The following LSAMP variants were observed in gnomAD, a reference collection of about 807,000 sequenced individuals.
LSAMP encodes the protein limbic system associated membrane protein.
A neutral mutation model predicts 38.6 loss-of-function variants in LSAMP; 7 were observed. The ratio of observed to expected loss-of-function variants is 0.18; its 90% CI spans 0.10 to 0.34. The LOEUF is 0.34. Ranked by LOEUF, LSAMP falls within the 10% of genes least tolerant of loss-of-function variation. LSAMP has a pLI of 1.00. For synonymous variants in LSAMP, 154 were observed against 166.8 expected (o/e 0.92, Z 0.59); for missense variants, 313 against 420.0 (o/e 0.75, Z 2.23).
intron 1 of LSAMP, among the ~76,000 whole-genome samples, chr3:116,428,380 C>A (rs894252813): frequency 1.3e-5 from 2 of 152,078 alleles, no homozygotes; most frequent in African/African-American, 4.8e-5. Context: ...ATTGCTTGAA[C>A]CTGGGAGGGG....
At chr3:116,317,356 CTTTTTTT>C (rs71616348) in intron 1 of LSAMP, among the ~76,000 whole-genome samples, 52 of 140,060 alleles carry the variant, frequency 3.7e-4, no homozygotes, top group Non-Finnish European at 6.3e-5. Context: ...CTCTTTCTTT[CTTTTTTT>C]TTTTTTTTTT....
intron 3 of LSAMP, among the ~76,000 whole-genome samples, chr3:115,900,902 A>G (rs2107481852): frequency 6.6e-6 from 1 of 152,316 alleles, no homozygotes; most frequent in South Asian, 2.1e-4. Flanking sequence ...CTAAAGCAGC[A>G]CAAACAATTT....
rs1307543165 is a variant in LSAMP at position 116,273,707 on chromosome 3, T to TATATATATATATATACAC, written c.155+171169_155+171170insGTGTATATATATATATAT. Among the ~76,000 whole-genome samples, 98 of 102,590 alleles carry TATATATATATATATACAC rather than the reference T, an allele frequency of 9.6e-4. 1 individual carries two copies. The highest frequency in any genetic ancestry group is 4.2e-3 in the African/African-American group (90 of 21,262). 67.3% of individuals were successfully genotyped at this position (102,590 alleles called of 152,430 possible). A position where few individuals can be genotyped will look rare whatever the true frequency, so the allele number is the denominator to read the frequency against. On this transcript the variant is annotated intron_variant, in intron 1 of 6. Transcript: ENST00000490035. ...GCATATATATATATATATATATATA[T>TATATATATATATATACAC]ACACACACACACACACGTATATATG...
rs201230069 is a variant in LSAMP at position 115,982,994 on chromosome 3, A to G, written c.514+36521T>C. Among the ~76,000 whole-genome samples, 139 of 149,104 alleles carry G rather than the reference A, an allele frequency of 9.3e-4. 3 individuals carry two copies. The East Asian group carries it at 0.011, about 12-fold the overall frequency. ...GTATGAATAGCTTGCCAGAGAGGTCAGTTGAGATTCAATTTAAAAGTAATG... is the reference window on the plus strand; with the variant it reads ...GTATGAATAGCTTGCCAGAGAGGTCGGTTGAGATTCAATTTAAAAGTAATG... On this transcript the variant is annotated intron_variant, in intron 3 of 6. Coordinates refer to ENST00000490035, the MANE Select transcript of LSAMP (RefSeq NM_002338.5).
chr3:115,994,282 C>A (rs567625015), intron 3 of LSAMP, among the ~76,000 whole-genome samples: 2 of 152,086 alleles, frequency 1.3e-5, no homozygotes, highest in African/African-American at 4.8e-5. Flanking sequence ...AGTCTACCAC[C>A]TGGGGATTTG....
intron 3 of LSAMP, among the ~76,000 whole-genome samples, chr3:115,905,990 C>G (rs1376884302): frequency 6.6e-6 from 1 of 152,152 alleles, no homozygotes; most frequent in Admixed American, 6.6e-5. Flanking sequence ...AGACTGGAAA[C>G]AGCAAACATG....
rs369537377 is a variant in LSAMP, at chr3:116,071,053, T to TAATAAATA, written c.388+15263_388+15270dup. 6.3e-3 allele frequency among the ~76,000 whole-genome samples: 872 copies of TAATAAATA among 138,848 alleles called. 15 individuals carry two copies. Among genetic ancestry groups the TAATAAATA allele is most frequent in the African/African-American group, 0.021 (758 of 36,304 alleles). 91.1% of individuals were successfully genotyped at this position (138,848 alleles called of 152,430 possible). A position where few individuals can be genotyped will look rare whatever the true frequency, so the allele number is the denominator to read the frequency against. On this transcript the variant is annotated intron_variant, in intron 2 of 6. Transcript: ENST00000490035. ...GAAACTCCATCTCAAAATAAATAAATAATAAATAAATAAATAAATAAATAA... is the reference window on the plus strand; with the variant it reads ...GAAACTCCATCTCAAAATAAATAAATAATAAATAAATAAATAAATAAATAAATAAATAA...
chr3:116,303,703 A>T (rs552789329), intron 1 of LSAMP, among the ~76,000 whole-genome samples: 22 of 152,314 alleles, frequency 1.4e-4, no homozygotes, highest in African/African-American at 4.8e-4. Context: ...TTAATCAAAA[A>T]TGTTACAGTC....
intron 1 of LSAMP, among the ~76,000 whole-genome samples, chr3:116,375,080 A>G (rs1286208539): frequency 2.6e-5 from 4 of 151,974 alleles, no homozygotes; most frequent in African/African-American, 7.2e-5. Context: ...ACGAATCAGA[A>G]AACATATGTG....
intron 3 of LSAMP, among the ~76,000 whole-genome samples, chr3:115,913,851 G>A (rs1937187403): frequency 6.6e-6 from 1 of 151,990 alleles, no homozygotes; most frequent in Non-Finnish European, 1.5e-5. Context: ...ACAGAGTAAG[G>A]GCCGAAATCC....
intron 6 of LSAMP, among the ~76,000 whole-genome samples, chr3:115,819,168 C>T (rs1217328734): frequency 6.7e-6 from 1 of 149,850 alleles, no homozygotes; most frequent in Non-Finnish European, 1.5e-5. Flanking sequence ...AAAAGTGGCC[C>T]GGCTCAGTGG....
chr3:115,812,374 T>G (rs1021995712), intron 6 of LSAMP, among the ~76,000 whole-genome samples: 9 of 152,080 alleles, frequency 5.9e-5, no homozygotes, highest in Admixed American at 2.0e-4. Flanking sequence ...TTCAATGAGA[T>G]TCTGTATCTT....
intron 1 of LSAMP, among the ~76,000 whole-genome samples, chr3:116,355,003 A>G (rs2048202848): frequency 6.6e-6 from 1 of 152,144 alleles, no homozygotes; most frequent in Non-Finnish European, 1.5e-5. Flanking sequence ...TTTATTACAT[A>G]ATAATACATA....
intron 1 of LSAMP, among the ~76,000 whole-genome samples, chr3:116,193,623 C>T (rs532092210): frequency 6.6e-6 from 1 of 152,238 alleles, no homozygotes; most frequent in African/African-American, 2.4e-5. Flanking sequence ...AATGACTGAT[C>T]TCGTTTTGCA....
Position 116,018,238 on chromosome 3 carries a change from G to A in LSAMP, c.514+1277C>T, listed in dbSNP as rs80069305. 9.1e-4 allele frequency among the ~76,000 whole-genome samples: 139 copies of A among 152,092 alleles called. 1 individual carries two copies. In the East Asian group the frequency reaches 0.026, roughly 29 times the overall value. On this transcript the variant is annotated intron_variant, in intron 3 of 6. Transcript: ENST00000490035. ...ATAGAGGCCTTTAATAAGAATACCCGCCTAAATATAAAACCATTCTATAGG... is the reference window on the plus strand; with the variant it reads ...ATAGAGGCCTTTAATAAGAATACCCACCTAAATATAAAACCATTCTATAGG...
At chr3:116,202,800 C>G (rs2046005731) in intron 1 of LSAMP, among the ~76,000 whole-genome samples, 1 of 152,196 alleles carries the variant, frequency 6.6e-6, no homozygotes, top group South Asian at 2.1e-4. Context: ...CTTTCCTACT[C>G]TTCAGTAAAC....
intron 1 of LSAMP, among the ~76,000 whole-genome samples, chr3:116,309,548 C>T (rs1159969150): frequency 6.6e-6 from 1 of 152,052 alleles, no homozygotes; most frequent in African/African-American, 2.4e-5. Context: ...TAACCAGTCC[C>T]TGTACTCAAG....
chr3:115,837,146 C>G (rs1934815041), intron 6 of LSAMP, among the ~76,000 whole-genome samples: 1 of 152,148 alleles, frequency 6.6e-6, no homozygotes, highest in South Asian at 2.1e-4. Flanking sequence ...GGGAGGCCCT[C>G]ATTATAAAGA....
intron 3 of LSAMP, among the ~76,000 whole-genome samples, chr3:115,897,179 T>G (rs1936750024): frequency 6.6e-6 from 1 of 152,082 alleles, no homozygotes; most frequent in African/African-American, 2.4e-5. Context: ...GAGGAGGTAT[T>G]GCTTAGATGC....
Sources: gnomAD v4.1 joint callset for allele counts (sites outside exome capture counted in the v4.1 genomes callset) on GRCh38, gnomAD v4.1.1 for gene constraint, MANE v1.5 for transcripts, NCBI Gene and HGNC (gene_info 2026-07-23, HGNC 2026-07-21) for gene names.